Variants in GAS7 observed in about 807,000 individuals in gnomAD.
The protein encoded by GAS7 is growth arrest specific 7.
Under a neutral mutation model 71.1 loss-of-function variants are expected in GAS7, and 28 were observed. The ratio of observed to expected loss-of-function variants is 0.39; its 90% CI spans 0.29 to 0.54. GAS7 has a LOEUF of 0.54. Ranked by LOEUF, GAS7 falls within the 20% of genes least tolerant of loss-of-function variation. GAS7 has a pLI of 0.62. For missense variants in GAS7, 436 were observed against 627.8 expected (o/e 0.69, Z 3.27); for synonymous variants, 258 against 245.8 (o/e 1.05, Z -0.46).
chr17:10,083,168 G>A (rs1233868401), intron 1 of GAS7, among the ~76,000 whole-genome samples: 2 of 152,188 alleles, frequency 1.3e-5, no homozygotes, highest in Admixed American at 6.5e-5. Context: ...TTAAAAATAC[G>A]AATGGCAGAT....
At chr17:10,046,209 G>A (rs1259373257) in intron 1 of GAS7, among the ~76,000 whole-genome samples, 1 of 152,000 alleles carries the variant, frequency 6.6e-6, no homozygotes, top group Non-Finnish European at 1.5e-5. Context: ...CACGGTACCC[G>A]GCGTGTGACT....
In GAS7 at chr17:9,993,496, C is replaced by A. The variant is rs1290291372; in HGVS notation, c.305-11612G>T. On this transcript the variant is annotated intron_variant, in intron 2 of 13. Transcript: ENST00000432992. ...ATTCAACAACCCTTCATGCTAGAAACCCTCAATAAATTAGGTATTGATGGG... is the reference window on the plus strand; with the variant it reads ...ATTCAACAACCCTTCATGCTAGAAAACCTCAATAAATTAGGTATTGATGGG... Among the ~76,000 whole-genome samples, 3 of 152,296 alleles carry A rather than the reference C, an allele frequency of 2.0e-5. No individual in the cohort carries two copies. The Middle Eastern group carries it at 0.01, about 518-fold the overall frequency.
At chr17:10,043,738 G>A (rs1410206893) in intron 1 of GAS7, among the ~76,000 whole-genome samples, 1 of 152,118 alleles carries the variant, frequency 6.6e-6, no homozygotes, top group Non-Finnish European at 1.5e-5. Context: ...AGTCTGGTGA[G>A]TGAGAGCCCA....
chr17:9,963,687 G>A (rs1490925689), intron 4 of GAS7, among the ~76,000 whole-genome samples: 3 of 152,034 alleles, frequency 2.0e-5, no homozygotes, highest in Non-Finnish European at 4.4e-5. Flanking sequence ...AGCTATAATG[G>A]TGTCACTGTA....
At position 10,034,315 on chromosome 17, in the gene GAS7, CTT is replaced by C. The variant is rs35276082; in HGVS notation, c.184-14420_184-14419del. ...ATATATAGCCTAATACTTAATAATT[CTT>C]TTTTTTTTTTTTAGACAGTCTTGCT... On this transcript the variant is annotated intron_variant, in intron 1 of 13. Coordinates refer to ENST00000432992, the MANE Select transcript of GAS7 (RefSeq NM_201433.2). This position sits in a 1 kb window ranked among gnomAD's most constrained non-coding sequence, Gnocchi z 4.4. 1,484 of 485,538 alleles carry C rather than the reference CTT, an allele frequency of 3.1e-3. No individual in the cohort carries two copies. The highest frequency in any genetic ancestry group is 4.1e-3 in the Middle Eastern group (4 of 976). The allele number at this position is 485,538 out of a possible 1,614,324, so 30.1% of individuals were successfully genotyped here.
chr17:9,990,033 GC>G (rs1242828375), intron 2 of GAS7, among the ~76,000 whole-genome samples: 9 of 152,154 alleles, frequency 5.9e-5, no homozygotes, highest in Non-Finnish European at 1.0e-4. Flanking sequence ...ACTTTGGGAG[GC>G]AGAGGTGGAC....
chr17:9,944,960 AG>A (rs2068736882), intron 6 of GAS7, among the ~76,000 whole-genome samples: 1 of 152,162 alleles, frequency 6.6e-6, no homozygotes, highest in Non-Finnish European at 1.5e-5. Context: ...CTTGATGGTC[AG>A]GGGGATAAGT....
At chr17:9,955,450 G>T (rs763086632) in intron 5 of GAS7, among the ~76,000 whole-genome samples, 1 of 152,202 alleles carries the variant, frequency 6.6e-6, no homozygotes, top group Non-Finnish European at 1.5e-5. Flanking sequence ...CGTTTTACAC[G>T]TATTAGCTCA....
In GAS7 at chr17:10,027,409, C is replaced by A. The variant is rs192094212; in HGVS notation, c.184-7512G>T. Among the ~76,000 whole-genome samples, 228 of 152,246 alleles carry A rather than the reference C, an allele frequency of 1.5e-3. 2 individuals are homozygous for A. The highest frequency in any genetic ancestry group is 5.1e-3 in the African/African-American group (213 of 41,536). ...GAACAAATCCCAGCTCTTAATGGATCTATTGAATGGACTCTGCTATGGTTT... is the reference window on the plus strand; with the variant it reads ...GAACAAATCCCAGCTCTTAATGGATATATTGAATGGACTCTGCTATGGTTT... On this transcript the variant is annotated intron_variant, in intron 1 of 13. Transcript: ENST00000432992.
At chr17:10,178,696 C>A (rs546008401) in intron 1 of GAS7, among the ~76,000 whole-genome samples, 4 of 136,134 alleles carry the variant, frequency 2.9e-5, no homozygotes, top group East Asian at 2.1e-4. Context: ...CTCCCTCCCC[C>A]ACCACCTTTT....
chr17:9,971,073 A>G (rs2069941221), intron 3 of GAS7, among the ~76,000 whole-genome samples: 1 of 152,168 alleles, frequency 6.6e-6, no homozygotes, highest in Admixed American at 6.5e-5. Flanking sequence ...AAAAGTTATA[A>G]GTAGTCATAA....
chr17:9,960,880 G>C (rs1233730509), intron 4 of GAS7, among the ~76,000 whole-genome samples: 1 of 152,190 alleles, frequency 6.6e-6, no homozygotes, highest in African/African-American at 2.4e-5. Flanking sequence ...TACTAGCCTT[G>C]AGACCCTGGC....
chr17:9,941,389 G>A (rs1387233001), intron 7 of GAS7, among the ~76,000 whole-genome samples: 1 of 152,198 alleles, frequency 6.6e-6, no homozygotes, highest in East Asian at 1.9e-4. Flanking sequence ...CACACGAGGT[G>A]CATACGCTGT....
intron 1 of GAS7, among the ~76,000 whole-genome samples, chr17:10,126,332 TCA>T (rs72255734): frequency 0.44 from 65,915 of 150,612 alleles, 15,295 homozygotes; most frequent in East Asian, 0.68. Context: ...ACACACACGC[TCA>T]CACACACACT....
chr17:10,025,811 TC>T (rs2072443968), intron 1 of GAS7, among the ~76,000 whole-genome samples: 1 of 152,154 alleles, frequency 6.6e-6, no homozygotes, highest in African/African-American at 2.4e-5. Context: ...CTAAAGCCAC[TC>T]CGTTGCAGCA....
intron 1 of GAS7, among the ~76,000 whole-genome samples, chr17:10,175,922 G>A (rs1474800271): frequency 6.6e-6 from 1 of 152,118 alleles, no homozygotes; most frequent in African/African-American, 2.4e-5. Flanking sequence ...TGGTATTCTT[G>A]AGCACTCCCA....
intron 1 of GAS7, among the ~76,000 whole-genome samples, chr17:10,076,447 G>A (rs1173658141): frequency 6.8e-6 from 1 of 147,488 alleles, no homozygotes; most frequent in Non-Finnish European, 1.5e-5. Context: ...GGGGAGTCGG[G>A]GGAGGGAAAG....
Position 9,913,010 on chromosome 17 carries a change from T to C in GAS7, c.*4218A>G, listed in dbSNP as rs984167697. 4.3e-6 allele frequency: 1 copy of C among 232,574 alleles called. No individual in the cohort carries two copies. The highest frequency in any genetic ancestry group is 8.5e-6 in the Non-Finnish European group (1 of 117,740). The allele number at this position is 232,574 out of a possible 1,614,324, so 14.4% of individuals were successfully genotyped here. ...TGACATTCTAGAAAAGGCAAAATTA[T>C]AGGATCAGATAATCAATCAGGGTTG... On this transcript the variant is annotated 3_prime_UTR_variant, in exon 14 of 14. Transcript: ENST00000432992.
intron 1 of GAS7, among the ~76,000 whole-genome samples, chr17:10,141,375 G>A (rs1467669672): frequency 6.6e-6 from 1 of 152,098 alleles, no homozygotes; most frequent in Non-Finnish European, 1.5e-5. Flanking sequence ...GTGAACCCGG[G>A]AGACGGAGCT....
Sources: allele counts gnomAD v4.1 joint callset (sites outside exome capture counted in the v4.1 genomes callset), GRCh38; gene constraint gnomAD v4.1.1; non-coding constraint Gnocchi (gnomAD v3.1); transcripts MANE v1.5; gene names NCBI Gene and HGNC (gene_info 2026-07-23, HGNC 2026-07-21).